The following UBE2E2 variants were observed in gnomAD, a reference collection of about 807,000 sequenced individuals.
The protein encoded by UBE2E2 is ubiquitin conjugating enzyme E2 E2.
Under a neutral mutation model 24.7 loss-of-function variants are expected in UBE2E2, and 6 were observed. The observed-to-expected ratio is 0.24, with a 90% CI of 0.13 to 0.48. The LOEUF (loss-of-function observed/expected upper bound fraction) is 0.48. Ranked by LOEUF, UBE2E2 falls within the 20% of genes least tolerant of loss-of-function variation. The probability of loss-of-function intolerance (pLI) is 0.99; values close to 1 mark genes in which losing one functional copy is unlikely to be tolerated. For synonymous variants in UBE2E2, 104 were observed against 83.6 expected (o/e 1.24, Z -1.33); for missense variants, 169 against 245.0 (o/e 0.69, Z 2.07).
chr3:23,260,155 T>G (rs1697857185), intron 3 of UBE2E2, among the ~76,000 whole-genome samples: 1 of 152,208 alleles, frequency 6.6e-6, no homozygotes, highest in Non-Finnish European at 1.5e-5. Context: ...AAAGGAAATT[T>G]CTAATAGTTC....
intron 3 of UBE2E2, among the ~76,000 whole-genome samples, chr3:23,458,150 G>A (rs1454983256): frequency 3.9e-5 from 6 of 152,044 alleles, no homozygotes; most frequent in Non-Finnish European, 7.4e-5. Flanking sequence ...GATTTAAAAT[G>A]AGAGAGATGT....
chr3:23,567,968 T>G (rs918364449), intron 5 of UBE2E2, among the ~76,000 whole-genome samples: 17 of 152,160 alleles, frequency 1.1e-4, no homozygotes, highest in African/African-American at 4.1e-4. Flanking sequence ...AAGATTCATA[T>G]AACACCCTCT....
chr3:23,260,892 C>G (rs1697879369), intron 3 of UBE2E2, among the ~76,000 whole-genome samples: 1 of 151,936 alleles, frequency 6.6e-6, no homozygotes, highest in Non-Finnish European at 1.5e-5. Flanking sequence ...GATCACTTGC[C>G]AAGGAGTTTG....
chr3:23,575,890 A>G (rs1659412498), intron 5 of UBE2E2, among the ~76,000 whole-genome samples: 1 of 152,214 alleles, frequency 6.6e-6, no homozygotes, highest in African/African-American at 2.4e-5. Flanking sequence ...ATGCAAAGGA[A>G]TGCCTTATAG....
Position 23,440,736 on chromosome 3 carries a change from T to C in UBE2E2, c.228-58872T>C, listed in dbSNP as rs145625232. On this transcript the variant is annotated intron_variant, in intron 3 of 5. Coordinates refer to ENST00000396703, the MANE Select transcript of UBE2E2 (RefSeq NM_152653.4). The stretch of plus-strand genomic sequence containing the variant: ...GAAATTTCATTTTCAGGGAAATAGT[T>C]TTCAGATTTAAATAACTGTAAAGAG... Among the ~76,000 whole-genome samples, 86 of 152,300 alleles carry C rather than the reference T, an allele frequency of 5.6e-4. 3 individuals carry two copies. In the East Asian group the frequency reaches 0.015, roughly 27 times the overall value.
In UBE2E2 at chr3:23,372,649, G is replaced by C. The variant is rs61654762; in HGVS notation, c.228-126959G>C. Among the ~76,000 whole-genome samples, 298 of 152,286 alleles carry C rather than the reference G, an allele frequency of 2.0e-3. 1 individual carries two copies. Among genetic ancestry groups the C allele is most frequent in the African/African-American group, 6.4e-3 (268 of 41,568 alleles). ...AGCATACAATAGAAGCACATTTAAA[G>C]ATAATGTGAAGCTGCTTTTCTTTTT... On this transcript the variant is annotated intron_variant, in intron 3 of 5. Coordinates refer to ENST00000396703, the MANE Select transcript of UBE2E2 (RefSeq NM_152653.4).
intron 3 of UBE2E2, among the ~76,000 whole-genome samples, chr3:23,375,030 T>C (rs1258784245): frequency 6.6e-6 from 1 of 152,112 alleles, no homozygotes; most frequent in Non-Finnish European, 1.5e-5. Context: ...TAGTAATAAA[T>C]GGCAGAAATG....
intron 3 of UBE2E2, among the ~76,000 whole-genome samples, chr3:23,429,746 C>G (rs1211227398): frequency 6.6e-6 from 1 of 152,144 alleles, no homozygotes; most frequent in Non-Finnish European, 1.5e-5. Context: ...CTTCACAAAT[C>G]ATATGACCAT....
intron 4 of UBE2E2, 123 bp downstream of exon 4, chr3:23,499,863 G>A (rs1699682191): frequency 3.4e-6 from 4 of 1,171,454 alleles, no homozygotes; most frequent in Non-Finnish European, 4.6e-6. Context: ...AGCTTCCCAG[G>A]ATTGATAGTG....
chr3:23,585,876 A>C (rs970570544), intron 5 of UBE2E2, among the ~76,000 whole-genome samples: 16 of 150,212 alleles, frequency 1.1e-4, no homozygotes, highest in Admixed American at 3.3e-4. Flanking sequence ...GTCTCAACAA[A>C]AAAAAAAAAT....
intron 3 of UBE2E2, among the ~76,000 whole-genome samples, chr3:23,256,974 C>T (rs1218608963): frequency 6.6e-6 from 1 of 152,218 alleles, no homozygotes. Context: ...AGAATAGAAG[C>T]CTATTTATTT....
chr3:23,581,468 T>C (rs1696476276), intron 5 of UBE2E2, among the ~76,000 whole-genome samples: 1 of 152,202 alleles, frequency 6.6e-6, no homozygotes, highest in Non-Finnish European at 1.5e-5. Context: ...TCTTAAAAGA[T>C]GCACACAAAT....
chr3:23,351,880 G>A (rs931340285), intron 3 of UBE2E2, among the ~76,000 whole-genome samples: 3 of 152,012 alleles, frequency 2.0e-5, no homozygotes, highest in Admixed American at 6.6e-5. Context: ...TGCACCAAGC[G>A]ACCTAATAGA....
At position 23,590,972 on chromosome 3, in the gene UBE2E2, T is replaced by TTTG. The variant is rs201132758; in HGVS notation, c.*1163_*1165dup. ...GCCCTCAAGCTTTGTATTGTTCATT[T>TTTG]TTGTTGTTGTTGTTGTTGTTGTTGC... is the stretch of plus-strand genomic sequence containing the variant. On this transcript the variant is annotated 3_prime_UTR_variant, in exon 6 of 6. Transcript: ENST00000396703. 0.029 allele frequency: 4,404 copies of TTTG among 152,222 alleles called. 105 individuals are homozygous for TTTG. Among genetic ancestry groups the TTTG allele is most frequent in the East Asian group, 0.12 (639 of 5,176 alleles). 9.4% of individuals were successfully genotyped at this position (152,222 alleles called of 1,614,324 possible).
At chr3:23,305,220 G>T (rs572028465) in intron 3 of UBE2E2, among the ~76,000 whole-genome samples, 1 of 152,286 alleles carries the variant, frequency 6.6e-6, no homozygotes, top group African/African-American at 2.4e-5. Flanking sequence ...AGCATAGTTT[G>T]TCCATCATTG....
At chr3:23,555,808 A>T (rs1300858881) in intron 5 of UBE2E2, among the ~76,000 whole-genome samples, 1 of 152,204 alleles carries the variant, frequency 6.6e-6, no homozygotes, top group African/African-American at 2.4e-5. Context: ...TATATGTGGA[A>T]TTTTTCTTTT....
chr3:23,499,836 A>C, intron 4 of UBE2E2, 96 bp downstream of exon 4: 1 of 1,388,804 alleles, frequency 7.2e-7, no homozygotes. Flanking sequence ...ATGCATGTCT[A>C]TTCTGTTGTC....
chr3:23,491,000 G>A (rs775728607), intron 3 of UBE2E2, among the ~76,000 whole-genome samples: 1 of 152,106 alleles, frequency 6.6e-6, no homozygotes, highest in Non-Finnish European at 1.5e-5. Context: ...TATTTCAGGA[G>A]AATTAGAACC....
chr3:23,271,593 A>AT (rs1698244511), intron 3 of UBE2E2, among the ~76,000 whole-genome samples: 1 of 152,156 alleles, frequency 6.6e-6, no homozygotes, highest in Non-Finnish European at 1.5e-5. Flanking sequence ...TGATTGGTCC[A>AT]TTTTGACAGG....
Sources: allele counts gnomAD v4.1 joint callset (sites outside exome capture counted in the v4.1 genomes callset), GRCh38; gene constraint gnomAD v4.1.1; transcripts MANE v1.5; gene names NCBI Gene and HGNC (gene_info 2026-07-23, HGNC 2026-07-21).